FAR2: variants seen among roughly 807,000 people sequenced by gnomAD.
The protein encoded by FAR2 is fatty acyl-CoA reductase 2.
A neutral mutation model predicts 56.0 loss-of-function variants in FAR2; 19 were observed. The ratio of observed to expected loss-of-function variants is 0.34; its 90% CI spans 0.24 to 0.50. The LOEUF (loss-of-function observed/expected upper bound fraction) is 0.50. Among genes scored for constraint, FAR2 ranks in the 20% least tolerant of loss-of-function variants. FAR2 has a pLI of 0.98. For synonymous variants in FAR2, 219 were observed against 218.8 expected (o/e 1.00, Z -0.01); for missense variants, 508 against 642.2 (o/e 0.79, Z 2.26).
chr12:29,204,806 A>T (rs1336489439), intron 1 of FAR2, among the ~76,000 whole-genome samples: 2 of 152,096 alleles, frequency 1.3e-5, no homozygotes, highest in Non-Finnish European at 2.9e-5. Context: ...ACACACTTTT[A>T]AACAACCGGA....
At chr12:29,267,390 T>G (rs1425266719) in intron 1 of FAR2, among the ~76,000 whole-genome samples, 2 of 152,228 alleles carry the variant, frequency 1.3e-5, no homozygotes, top group Non-Finnish European at 2.9e-5. Context: ...CACTATTAAG[T>G]GGATACTTTT....
At chr12:29,278,752 A>C (rs1948741109) in intron 2 of FAR2, among the ~76,000 whole-genome samples, 1 of 152,206 alleles carries the variant, frequency 6.6e-6, no homozygotes, top group South Asian at 2.1e-4. Context: ...GCTTACAGAA[A>C]GCTAGCTTTG....
chr12:29,218,379 T>G (rs1253581628), intron 1 of FAR2, among the ~76,000 whole-genome samples: 1 of 150,030 alleles, frequency 6.7e-6, no homozygotes, highest in African/African-American at 2.4e-5. Flanking sequence ...AAGATGGGCT[T>G]GATTATATAA....
At chr12:29,292,655 G>A (rs1948990556) in intron 2 of FAR2, among the ~76,000 whole-genome samples, 1 of 152,130 alleles carries the variant, frequency 6.6e-6, no homozygotes, top group South Asian at 2.1e-4. Flanking sequence ...TTTGTATCAG[G>A]CAAGAGCATG....
chr12:29,160,080 T>C (rs924949321), intron 1 of FAR2, among the ~76,000 whole-genome samples: 3 of 152,162 alleles, frequency 2.0e-5, no homozygotes, highest in African/African-American at 7.2e-5. Context: ...ATTTCTAGCT[T>C]TCAACAGATT....
chr12:29,196,243 A>C (rs1323007412), intron 1 of FAR2, among the ~76,000 whole-genome samples: 1 of 152,050 alleles, frequency 6.6e-6, no homozygotes, highest in Non-Finnish European at 1.5e-5. Flanking sequence ...TTCTATGTTT[A>C]GTTATTTGAG....
intron 8 of FAR2, among the ~76,000 whole-genome samples, chr12:29,314,279 A>G (rs1276708113): frequency 5.9e-5 from 9 of 152,172 alleles, no homozygotes; most frequent in Non-Finnish European, 1.3e-4. Context: ...TATTCATTAA[A>G]TAGGCATTAT....
At chr12:29,327,939 A>C (rs1949674275) in intron 10 of FAR2, among the ~76,000 whole-genome samples, 2 of 152,214 alleles carry the variant, frequency 1.3e-5, no homozygotes. Context: ...CTGCACAGCA[A>C]AAGAAACCAC....
At chr12:29,209,994 C>T (rs1312608742) in intron 1 of FAR2, among the ~76,000 whole-genome samples, 1 of 152,036 alleles carries the variant, frequency 6.6e-6, no homozygotes, top group Admixed American at 6.6e-5. Context: ...ATTGCTTGAG[C>T]CCAGGAGTTC....
intron 4 of FAR2, among the ~76,000 whole-genome samples, chr12:29,300,875 A>G (rs1949151671): frequency 6.6e-6 from 1 of 152,190 alleles, no homozygotes; most frequent in South Asian, 2.1e-4. Flanking sequence ...CTGGGAAATA[A>G]AGAAGGATAT....
intron 9 of FAR2, among the ~76,000 whole-genome samples, chr12:29,320,901 C>T (rs942228059): frequency 3.3e-5 from 5 of 152,070 alleles, no homozygotes; most frequent in Admixed American, 1.3e-4. Context: ...GATTACACAG[C>T]GCAGGTTTTT....
chr12:29,324,977 C>T (rs1293731612), intron 10 of FAR2, among the ~76,000 whole-genome samples: 1 of 146,008 alleles, frequency 6.8e-6, no homozygotes, highest in Admixed American at 6.8e-5. Context: ...GAGTCAAGAA[C>T]CATCAGTGTG....
chr12:29,256,502 C>T (rs1307880039), intron 1 of FAR2, among the ~76,000 whole-genome samples: 16 of 152,220 alleles, frequency 1.1e-4, no homozygotes, highest in Admixed American at 1.0e-3. Context: ...AGCCCTCGCT[C>T]ACTCTCAGCA....
rs183655900 is a variant in FAR2 at position 29,201,665 on chromosome 12, G to C, written c.-39+52258G>C. On this transcript the variant is annotated intron_variant, in intron 1 of 11. Transcript: ENST00000536681. ...ATTATTCATGTTTTGAATTGTGACT[G>C]ATGACTTTGCTATACCTGGGTCAAA... Among the ~76,000 whole-genome samples, 10 of 152,334 alleles carry C rather than the reference G, an allele frequency of 6.6e-5. No homozygotes were observed. In the East Asian group the frequency reaches 1.9e-3, roughly 29 times the overall value.
chr12:29,316,598 T>C (rs1380422779), intron 8 of FAR2, among the ~76,000 whole-genome samples: 1 of 152,144 alleles, frequency 6.6e-6, no homozygotes, highest in African/African-American at 2.4e-5. Flanking sequence ...GTTTCCCCAA[T>C]AGTTTGTTTT....
chr12:29,187,682 T>C (rs1325729041), intron 1 of FAR2, among the ~76,000 whole-genome samples: 1 of 152,202 alleles, frequency 6.6e-6, no homozygotes, highest in Non-Finnish European at 1.5e-5. Flanking sequence ...GTGGGTCTAT[T>C]TTTCCTCCAC....
intron 1 of FAR2, among the ~76,000 whole-genome samples, chr12:29,184,123 T>C (rs560391919): frequency 2.0e-5 from 3 of 152,330 alleles, no homozygotes; most frequent in Admixed American, 2.0e-4. Context: ...TAAAAACAAG[T>C]ATCAGCACAA....
intron 4 of FAR2, among the ~76,000 whole-genome samples, chr12:29,298,784 A>G (rs537759314): frequency 1.3e-5 from 2 of 152,158 alleles, no homozygotes; most frequent in African/African-American, 4.8e-5. Flanking sequence ...TTCATATTTG[A>G]TATGTCCAGG....
At chr12:29,303,441 A>C (rs1249827880) in intron 4 of FAR2, among the ~76,000 whole-genome samples, 3 of 152,194 alleles carry the variant, frequency 2.0e-5, no homozygotes, top group African/African-American at 7.2e-5. Flanking sequence ...GCTTTAATGG[A>C]AAGTTCCTAG....
Sources: allele counts gnomAD v4.1 joint callset (sites outside exome capture counted in the v4.1 genomes callset), GRCh38; gene constraint gnomAD v4.1.1; transcripts MANE v1.5; gene names NCBI Gene and HGNC (gene_info 2026-07-23, HGNC 2026-07-21).